Variants in AGBL4 observed in about 807,000 individuals in gnomAD.
AGBL4 encodes the protein AGBL carboxypeptidase 4, also known as cytosolic carboxypeptidase 6.
In AGBL4, 58 loss-of-function variants were observed where a neutral mutation model predicts 66.4. The ratio of observed to expected loss-of-function variants is 0.87; its 90% CI spans 0.71 to 1.09. AGBL4 has a LOEUF of 1.09. Among genes scored for constraint, AGBL4 ranks in the 50% least tolerant of loss-of-function variants. The pLI is 0.00. For synonymous variants in AGBL4, 234 were observed against 222.9 expected (o/e 1.05, Z -0.44); for missense variants, 579 against 631.0 (o/e 0.92, Z 0.88).
At chr1:48,894,745 C>T (rs1651338413) in intron 5 of AGBL4, among the ~76,000 whole-genome samples, 1 of 152,012 alleles carries the variant, frequency 6.6e-6, no homozygotes, top group Non-Finnish European at 1.5e-5. Context: ...GATAGGATTA[C>T]AGGCAAATTT....
intron 4 of AGBL4, among the ~76,000 whole-genome samples, chr1:49,162,498 C>T (rs1291170344): frequency 6.6e-6 from 1 of 152,168 alleles, no homozygotes; most frequent in African/African-American, 2.4e-5. Flanking sequence ...TTGGTATTTA[C>T]TTGTTCTTGC....
At chr1:49,475,039 T>A (rs1240624702) in intron 3 of AGBL4, among the ~76,000 whole-genome samples, 1 of 151,982 alleles carries the variant, frequency 6.6e-6, no homozygotes, top group East Asian at 1.9e-4. Flanking sequence ...ATGTTTCCAG[T>A]TTTTGCCCAT....
At chr1:49,049,326 A>G (rs1444904302) in intron 4 of AGBL4, among the ~76,000 whole-genome samples, 1 of 152,144 alleles carries the variant, frequency 6.6e-6, no homozygotes, top group East Asian at 1.9e-4. Flanking sequence ...TGTATAACTG[A>G]CTACCCTTTA....
At chr1:49,730,673 A>G (rs895181353) in intron 2 of AGBL4, among the ~76,000 whole-genome samples, 7 of 152,102 alleles carry the variant, frequency 4.6e-5, no homozygotes, top group Admixed American at 1.3e-4. Context: ...TGCTTGATCC[A>G]GCCCTGGGCG....
chr1:49,900,585 T>C (rs1649670319), intron 1 of AGBL4, among the ~76,000 whole-genome samples: 1 of 152,102 alleles, frequency 6.6e-6, no homozygotes, highest in Admixed American at 6.6e-5. Context: ...GGTGGCAAAG[T>C]TCTTCATTTT....
chr1:49,655,304 C>T (rs1468321200), intron 3 of AGBL4, among the ~76,000 whole-genome samples: 1 of 152,180 alleles, frequency 6.6e-6, no homozygotes, highest in Non-Finnish European at 1.5e-5. Flanking sequence ...GCCAAGAGAT[C>T]AGCTGTTAGT....
At chr1:49,104,956 A>T (rs1645266688) in intron 4 of AGBL4, among the ~76,000 whole-genome samples, 1 of 152,210 alleles carries the variant, frequency 6.6e-6, no homozygotes, top group Admixed American at 6.5e-5. Flanking sequence ...CTTACACGAA[A>T]AATGGGCTAA....
intron 5 of AGBL4, among the ~76,000 whole-genome samples, chr1:48,895,642 T>C (rs1651430563): frequency 6.6e-6 from 1 of 152,210 alleles, no homozygotes; most frequent in African/African-American, 2.4e-5. Context: ...GCTTCCTTTA[T>C]TGGCCAACTG....
chr1:49,132,551 C>T (rs1277447105), intron 4 of AGBL4, among the ~76,000 whole-genome samples: 1 of 152,012 alleles, frequency 6.6e-6, no homozygotes, highest in African/African-American at 2.4e-5. Context: ...AAGTTCTATG[C>T]CACTGGAAGC....
intron 3 of AGBL4, among the ~76,000 whole-genome samples, chr1:49,330,713 T>C (rs1417198976): frequency 6.6e-6 from 1 of 152,102 alleles, no homozygotes; most frequent in Non-Finnish European, 1.5e-5. Flanking sequence ...ATTACAAATA[T>C]AAAATAGTGT....
intron 3 of AGBL4, among the ~76,000 whole-genome samples, chr1:49,442,589 GCT>G (rs1646059578): frequency 6.6e-6 from 1 of 152,102 alleles, no homozygotes; most frequent in Non-Finnish European, 1.5e-5. Context: ...ATGATTTCAC[GCT>G]TTTTGATGTC....
intron 1 of AGBL4, among the ~76,000 whole-genome samples, chr1:49,878,465 C>G (rs1388427641): frequency 2.0e-5 from 3 of 151,872 alleles, no homozygotes; most frequent in Non-Finnish European, 4.4e-5. Context: ...TGTAGTTGAG[C>G]AGCTTTGAGT....
intron 5 of AGBL4, among the ~76,000 whole-genome samples, chr1:49,030,847 G>GA (rs986171501): frequency 1.4e-5 from 2 of 141,598 alleles, no homozygotes; most frequent in Non-Finnish European, 3.1e-5. Context: ...AGGAAAAAAA[G>GA]AAAAAAAATG....
chr1:49,360,784 G>A (rs1361566603), intron 3 of AGBL4, among the ~76,000 whole-genome samples: 4 of 152,028 alleles, frequency 2.6e-5, no homozygotes, highest in Non-Finnish European at 5.9e-5. Flanking sequence ...GGGAGAAAAC[G>A]AATCCGCATG....
intron 6 of AGBL4, among the ~76,000 whole-genome samples, chr1:48,681,663 C>G (rs1015774942): frequency 6.6e-6 from 1 of 152,218 alleles, no homozygotes; most frequent in Non-Finnish European, 1.5e-5. Context: ...TTCTTCTCCC[C>G]ACTCCTGGCT....
intron 2 of AGBL4, among the ~76,000 whole-genome samples, chr1:49,791,641 C>T (rs1644601703): frequency 6.6e-6 from 1 of 152,066 alleles, no homozygotes; most frequent in Non-Finnish European, 1.5e-5. Context: ...CTAAAACAAA[C>T]ATATCCTACA....
At chr1:49,129,777 T>C (rs1200806410) in intron 4 of AGBL4, among the ~76,000 whole-genome samples, 2 of 152,122 alleles carry the variant, frequency 1.3e-5, no homozygotes, top group Non-Finnish European at 2.9e-5. Flanking sequence ...TAAACATACG[T>C]GTGCATGTGT....
chr1:49,522,366 T>G (rs1330371158), intron 3 of AGBL4, among the ~76,000 whole-genome samples: 1 of 152,104 alleles, frequency 6.6e-6, no homozygotes, highest in Non-Finnish European at 1.5e-5. Flanking sequence ...AATAATCACT[T>G]CTTCAGAGAA....
At chr1:48,647,031 G>C (rs528175308) in intron 8 of AGBL4, among the ~76,000 whole-genome samples, 1 of 152,150 alleles carries the variant, frequency 6.6e-6, no homozygotes, top group Non-Finnish European at 1.5e-5. Flanking sequence ...CCAAGGCCCA[G>C]CACAGGGCCT....
Sources: gnomAD v4.1 joint callset for allele counts (sites outside exome capture counted in the v4.1 genomes callset) on GRCh38, gnomAD v4.1.1 for gene constraint, MANE v1.5 for transcripts, NCBI Gene and HGNC (gene_info 2026-07-23, HGNC 2026-07-21) for gene names.